The following EML6 variants were observed in gnomAD, a reference collection of about 807,000 sequenced individuals.
The protein encoded by EML6 is echinoderm microtubule-associated protein-like 6.
Under a neutral mutation model 240.1 loss-of-function variants are expected in EML6, and 154 were observed. The observed-to-expected ratio is 0.64, with a 90% confidence interval of 0.56 to 0.73. The LOEUF (loss-of-function observed/expected upper bound fraction) is 0.73, where lower values mean the gene tolerates loss of function less well. Among genes scored for constraint, EML6 ranks in the 30% least tolerant of loss-of-function variants. EML6 has a pLI of 0.00. For missense variants in EML6, 2,964 were observed against 2,474.6 expected, an observed-to-expected ratio of 1.20 and a Z score of -4.20; for synonymous variants, 1,148 against 899.0, an observed-to-expected ratio of 1.28 and a Z score of -4.95.
chr2:54,902,544 A>C (rs894716327), intron 22 of EML6, among the ~76,000 whole-genome samples: 2 of 151,810 alleles, frequency 1.3e-5, no homozygotes, highest in African/African-American at 2.4e-5. Flanking sequence ...AATTACAGGC[A>C]TGTGCCACTA....
rs151020514 is a variant in EML6 at position 54,801,288 on chromosome 2, C to T, written c.198-11944C>T. Among the ~76,000 whole-genome samples the T allele has an allele frequency of 2.0e-3, 297 of 149,250 alleles. 1 individual carries two copies. The highest frequency in any genetic ancestry group is 7.1e-3 in the African/African-American group (288 of 40,744). On this transcript the variant is annotated intron_variant, in intron 2 of 41. Coordinates refer to ENST00000356458, the MANE Select transcript of EML6 (RefSeq NM_001039753.4). ...CGAGATCTCACCACTGCATTCCAGC[C>T]TGGGCTACAGAGCGAGACTCTGTCT...
intron 24 of EML6, among the ~76,000 whole-genome samples, chr2:54,910,739 T>C (rs142600034): frequency 3.5e-4 from 53 of 152,340 alleles, no homozygotes; most frequent in African/African-American, 1.3e-3. Context: ...GAAGATCAAA[T>C]ATTATGAAGT....
chr2:54,747,538 G>A (rs1683966295), intron 2 of EML6: 1 of 152,128 alleles, frequency 6.6e-6, no homozygotes, highest in Non-Finnish European at 1.5e-5. Flanking sequence ...ATATTCTTTG[G>A]TAACCTTACT....
intron 2 of EML6, among the ~76,000 whole-genome samples, chr2:54,779,538 C>G (rs1355981661): frequency 8.8e-6 from 1 of 113,306 alleles, no homozygotes; most frequent in Non-Finnish European, 1.7e-5. Flanking sequence ...AAAAGTGAGA[C>G]TCTGTCTCAA....
At chr2:54,898,874 T>A (rs1453604548) in intron 21 of EML6, among the ~76,000 whole-genome samples, 2 of 152,238 alleles carry the variant, frequency 1.3e-5, no homozygotes, top group African/African-American at 4.8e-5. Flanking sequence ...AGAATCAAAT[T>A]CATTTTCTCC....
At chr2:54,938,349 A>G (rs1307104701) in intron 28 of EML6, among the ~76,000 whole-genome samples, 1 of 152,192 alleles carries the variant, frequency 6.6e-6, no homozygotes, top group Non-Finnish European at 1.5e-5. Flanking sequence ...GGGTATGCAG[A>G]AAGCTATAGA....
At chr2:54,794,859 A>G (rs1669669085) in intron 2 of EML6, among the ~76,000 whole-genome samples, 2 of 152,218 alleles carry the variant, frequency 1.3e-5, no homozygotes, top group African/African-American at 4.8e-5. Context: ...TTGTAGCTTC[A>G]GTAGGTTCTG....
chr2:54,870,692 T>G (rs77864726), intron 15 of EML6, among the ~76,000 whole-genome samples: 1 of 147,432 alleles, frequency 6.8e-6, no homozygotes, highest in African/African-American at 2.5e-5. Flanking sequence ...GCCAGAGGTG[T>G]TTTTTTTTTA....
At chr2:54,784,146 A>G (rs1181655201) in intron 2 of EML6, among the ~76,000 whole-genome samples, 4 of 151,928 alleles carry the variant, frequency 2.6e-5, no homozygotes, top group African/African-American at 7.3e-5. Flanking sequence ...GGATCTTGCT[A>G]TGTTGCCCAG....
intron 29 of EML6, among the ~76,000 whole-genome samples, 188 bp downstream of exon 29, chr2:54,949,148 T>G (rs1675838776): frequency 1.3e-5 from 2 of 152,066 alleles, no homozygotes; most frequent in African/African-American, 2.4e-5. Flanking sequence ...GCAGCCACTG[T>G]ATCGTATTCC....
At position 54,797,260 on chromosome 2, in the gene EML6, A is replaced by G. The variant is rs143043850; in HGVS notation, c.198-15972A>G. Reference sequence around the variant, plus strand: ...TTATAATAAGCCCCACCTGTTGAGGATGGATGCTGCTGGTCTGAAGACCAT... The same window carrying G: ...TTATAATAAGCCCCACCTGTTGAGGGTGGATGCTGCTGGTCTGAAGACCAT... On this transcript the variant is annotated intron_variant, in intron 2 of 41. Coordinates refer to ENST00000356458, the MANE Select transcript of EML6 (RefSeq NM_001039753.4). 4.2e-3 allele frequency among the ~76,000 whole-genome samples: 626 copies of G among 150,332 alleles called. 3 individuals are homozygous for G. The highest frequency in any genetic ancestry group is 6.8e-3 in the Non-Finnish European group (457 of 67,694).
chr2:54,965,108 A>T (rs1298316123), intron 38 of EML6, among the ~76,000 whole-genome samples: 1 of 152,138 alleles, frequency 6.6e-6, no homozygotes, highest in Non-Finnish European at 1.5e-5. Flanking sequence ...TACTGGGTAG[A>T]ATGGCCCCTC....
chr2:54,968,349 C>G, intron 40 of EML6, 68 bp downstream of exon 40: 1 of 1,396,578 alleles, frequency 7.2e-7, no homozygotes, highest in East Asian at 2.5e-5. Flanking sequence ...ATAGGGGCCA[C>G]GTCTAGATGG....
chr2:54,773,873 C>T (rs1005282400), intron 2 of EML6, among the ~76,000 whole-genome samples: 1 of 152,186 alleles, frequency 6.6e-6, no homozygotes, highest in African/African-American at 2.4e-5. Context: ...AGAGCATAAG[C>T]TTTGGAGTCA....
At chr2:54,830,838 C>A (rs1572966440) in intron 7 of EML6, among the ~76,000 whole-genome samples, 1 of 152,242 alleles carries the variant, frequency 6.6e-6, no homozygotes, top group East Asian at 1.9e-4. Context: ...GTCAACTAAT[C>A]CAGGATTGGA....
chr2:54,928,480 C>T lies in EML6; in HGVS notation c.3843C>T (p.Ser1281=), dbSNP rs780927895. The T allele has an allele frequency of 2.5e-5, 39 of 1,547,582 alleles. No individual in the cohort carries two copies. Among genetic ancestry groups the T allele is most frequent in the Admixed American group, 7.9e-5 (4 of 50,770 alleles). Residue 1281 remains serine, a synonymous_variant, in exon 27 of 42, where the codon AGC becomes AGT. Transcript: ENST00000356458. ...CCCAGGAGAGCAAGCTGGTGGACAG[C>T]GAGGAGTCAGACACCGACGTGGAAG... ...VGTQESKLVD[S]EESDTDVEED...
intron 2 of EML6, among the ~76,000 whole-genome samples, chr2:54,754,887 G>A (rs1684331393): frequency 6.6e-6 from 1 of 152,156 alleles, no homozygotes; most frequent in Non-Finnish European, 1.5e-5. Flanking sequence ...TTGGCTACTG[G>A]CCACTTAAAA....
chr2:54,792,731 A>G (rs2103915812), intron 2 of EML6, among the ~76,000 whole-genome samples: 1 of 152,350 alleles, frequency 6.6e-6, no homozygotes, highest in South Asian at 2.1e-4. Context: ...AGTATTTTTT[A>G]TACCTAATAC....
rs1667937059 is a variant in EML6 at position 54,813,219 on chromosome 2, T to C, written c.198-13T>C. 6.5e-7 allele frequency: 1 copy of C among 1,531,278 alleles called. No individual in the cohort carries two copies. The highest frequency in any genetic ancestry group is 2.5e-5 in the East Asian group (1 of 40,630). The allele number at this position is 1,531,278 out of a possible 1,614,324, so 94.9% of individuals were successfully genotyped here. A position where few individuals can be genotyped will look rare whatever the true frequency, so the allele number is the denominator to read the frequency against. On this transcript the variant is annotated splice_polypyrimidine_tract_variant and intron_variant, in intron 2 of 41. Transcript: ENST00000356458. The stretch of plus-strand genomic sequence containing the variant: ...CAGTTGGAAGATGTGAAAAGAAACC[T>C]TTTCTCTTTCAGCCTTGCCTTACAC...
Sources: allele counts gnomAD v4.1 joint callset (sites outside exome capture counted in the v4.1 genomes callset), GRCh38; gene constraint gnomAD v4.1.1; transcripts MANE v1.5; gene names NCBI Gene and HGNC (gene_info 2026-07-23, HGNC 2026-07-21).